Variants in NLRP2 observed in about 807,000 individuals in gnomAD.
The protein encoded by NLRP2 is NACHT, LRR and PYD domains-containing protein 2.
In NLRP2, 107 loss-of-function variants were observed where a neutral mutation model predicts 97.2. The ratio of observed to expected loss-of-function variants is 1.10; its 90% CI spans 0.94 to 1.29. The LOEUF (loss-of-function observed/expected upper bound fraction) is 1.29. Ranked by LOEUF, NLRP2 falls within the 50% of genes most tolerant of loss-of-function variation. The pLI is 0.00. For synonymous variants in NLRP2, 663 were observed against 551.5 expected (o/e 1.20, Z -2.83); for missense variants, 1,495 against 1,330.3 (o/e 1.12, Z -1.93).
At chr19:54,989,753 G>C (rs2072332081) in intron 8 of NLRP2, 1 of 553,490 alleles carries the variant, frequency 1.8e-6, no homozygotes, top group Middle Eastern at 5.0e-4. Flanking sequence ...GGAGGCCGAG[G>C]TGGGCAGATC....
Position 54,986,252 on chromosome 19 carries a change from A to G in NLRP2, c.2303A>G (p.Asp768Gly). ...CTGACCCTTCAAGGCAATGACCAGGATGATATGTTTCCCGCATTGTGTGAG... is the reference window on the plus strand; with the variant it reads ...CTGACCCTTCAAGGCAATGACCAGGGTGATATGTTTCCCGCATTGTGTGAG... ...TYLTLQGNDQ[D>G]DMFPALCEVL... Residue 768 changes from aspartate to glycine, a missense_variant, in exon 8 of 13, where the codon GAT (aspartate) becomes GGT (glycine). Asp to Gly is a moderately conservative substitution (Grantham distance 94). Transcript: ENST00000448584. 6.2e-7 allele frequency: 1 copy of G among 1,614,024 alleles called. No individual in the cohort carries two copies. The highest frequency in any genetic ancestry group is 8.5e-7 in the Non-Finnish European group (1 of 1,179,940).
At chr19:54,968,597 T>TG (rs1269843654) in intron 1 of NLRP2, among the ~76,000 whole-genome samples, 1 of 151,900 alleles carries the variant, frequency 6.6e-6, no homozygotes, top group African/African-American at 2.4e-5. Flanking sequence ...CCAAAGTGTT[T>TG]GGGGTTCCAG....
chr19:54,975,452 A>AT (rs2071162286), intron 3 of NLRP2, among the ~76,000 whole-genome samples: 1 of 89,194 alleles, frequency 1.1e-5, no homozygotes, highest in Non-Finnish European at 2.3e-5. Context: ...GAAGATTATT[A>AT]TTATTTTTTT....
At chr19:54,995,777 C>T (rs1447915531) in intron 11 of NLRP2, among the ~76,000 whole-genome samples, 1 of 151,966 alleles carries the variant, frequency 6.6e-6, no homozygotes, top group Non-Finnish European at 1.5e-5. Context: ...CAAGGTGGCT[C>T]ATGCCTGTAA....
In NLRP2 at chr19:54,982,170, A is replaced by AT; in HGVS notation, c.472_473insT (p.Asn158IlefsTer2). The stretch of plus-strand genomic sequence containing the variant: ...CCTCACCAATGATAAAGACAAAGAC[A>AT]ATAGGTGCAGGTATATATTGAAGAC... On this transcript the variant is annotated frameshift_variant, in exon 6 of 13. Transcript: ENST00000448584. LOFTEE classifies it high-confidence loss of function. The AT allele has an allele frequency of 6.2e-7, 1 of 1,614,110 alleles. No homozygotes were observed.
intron 4 of NLRP2, 149 bp from the exon 5 acceptor site, chr19:54,981,468 G>A (rs1025690420): frequency 2.0e-4 from 133 of 650,160 alleles, no homozygotes; most frequent in Admixed American, 6.2e-4. Flanking sequence ...ACACCTGGCC[G>A]GAAAACACAT....
At position 54,981,693 on chromosome 19, in the gene NLRP2, T is replaced by C. The variant is rs1260065255; in HGVS notation, c.463+11T>C. ...AAGGAAAAAAGCCAGGTCTGTACCA[T>C]ATCTTCCTGCAGGGAGCTTGGGATC... On this transcript the variant is annotated intron_variant, in intron 5 of 12. Transcript: ENST00000448584. The C allele has an allele frequency of 2.8e-6, 4 of 1,439,688 alleles. No homozygotes were observed. The African/African-American group carries it at 5.6e-5, about 20-fold the overall frequency. 89.2% of individuals were successfully genotyped at this position (1,439,688 alleles called of 1,614,324 possible). A position where few individuals can be genotyped will look rare whatever the true frequency, so the allele number is the denominator to read the frequency against.
intron 10 of NLRP2, 27 bp from the exon 11 acceptor site, chr19:54,994,242 T>G (rs1444897510): frequency 6.2e-7 from 1 of 1,613,840 alleles, no homozygotes; most frequent in Admixed American, 1.7e-5. Flanking sequence ...GGTTCGGGTT[T>G]GCTTTCTTCC....
chr19:54,977,442 C>T (rs935883707), intron 3 of NLRP2, among the ~76,000 whole-genome samples: 1 of 151,062 alleles, frequency 6.6e-6, no homozygotes, highest in Admixed American at 6.7e-5. Flanking sequence ...AAAAACTAGG[C>T]AGTTAATCCT....
chr19:54,982,553 C>T lies in NLRP2; in HGVS notation c.855C>T (p.Phe285=), dbSNP rs147098165. The change falls in exon 6 of 13, where the codon TTC becomes TTT. Residue 285 remains phenylalanine, a synonymous_variant. Coordinates refer to ENST00000448584, the MANE Select transcript of NLRP2 (RefSeq NM_017852.5). The part of the protein sequence containing the change: ...HILAQARKIL[F]VIDGFDELGA... ...TAGCCCAAGCACGGAAAATCTTGTT[C>T]GTGATTGACGGCTTTGATGAGCTGG... 126 of 1,614,062 alleles carry T rather than the reference C, an allele frequency of 7.8e-5. No homozygotes were observed. The highest frequency in any genetic ancestry group is 3.3e-4 in the Middle Eastern group (2 of 6,082).
chr19:54,976,942 G>A, intron 3 of NLRP2: 1 of 383,216 alleles, frequency 2.6e-6, no homozygotes, highest in Non-Finnish European at 5.0e-6. Context: ...AGCCTCGCAA[G>A]TAGCTGGGAC....
chr19:54,982,569 G>C lies in NLRP2; in HGVS notation c.871G>C (p.Asp291His). 2 of 1,614,218 alleles carry C rather than the reference G, an allele frequency of 1.2e-6. No homozygotes were observed. Among genetic ancestry groups the C allele is most frequent in the Non-Finnish European group, 1.7e-6 (2 of 1,180,046 alleles). Residue 291 changes from aspartate to histidine, a missense_variant, in exon 6 of 13, where the codon GAT becomes CAT. Physicochemically the swap from Asp to His is moderately conservative, Grantham distance 81. Transcript: ENST00000448584. The stretch of plus-strand genomic sequence containing the variant: ...AATCTTGTTCGTGATTGACGGCTTT[G>C]ATGAGCTGGGAGCCGCACCTGGGGC... ...RKILFVIDGF[D>H]ELGAAPGALI... is the part of the protein sequence containing the mutation.
rs549467414 is a variant in NLRP2, at chr19:54,993,989, C to T, written c.2709-280C>T. On this transcript the variant is annotated intron_variant, in intron 10 of 12. Transcript: ENST00000448584. The stretch of plus-strand genomic sequence containing the variant: ...CTCTCAGCTCCCTCTTATGAGGATC[C>T]CTGTGATTGCTGGACCTACCCAAAT... 433 of 533,100 alleles carry T rather than the reference C, an allele frequency of 8.1e-4. 6 individuals are homozygous for T. In the South Asian group the frequency reaches 8.9e-3, roughly 11 times the overall value. 33.0% of individuals were successfully genotyped at this position (533,100 alleles called of 1,614,324 possible).
chr19:54,980,853 C>T (rs573663892), intron 4 of NLRP2, among the ~76,000 whole-genome samples: 1 of 152,250 alleles, frequency 6.6e-6, no homozygotes, highest in Admixed American at 6.5e-5. Context: ...TTCATGCCTG[C>T]AATCCCAGCA....
chr19:54,972,940 G>A (rs2070959071), intron 2 of NLRP2, among the ~76,000 whole-genome samples: 3 of 152,076 alleles, frequency 2.0e-5, no homozygotes, highest in African/African-American at 4.8e-5. Flanking sequence ...TGTAATCACA[G>A]CACTTTGGGA....
At position 54,997,349 on chromosome 19, in the gene NLRP2, G is replaced by A. The variant is rs371106626; in HGVS notation, c.2912G>A (p.Cys971Tyr). 5 of 1,613,980 alleles carry A rather than the reference G, an allele frequency of 3.1e-6. No homozygotes were observed. In the African/African-American group the frequency reaches 4.0e-5, roughly 13 times the overall value. ...GGATGTTCCATCCCTCCGTTCAGTT[G>A]TGAAGACCTCTGCTCTGCCCTCAGC... ...LWGCSIPPFS[C>Y]EDLCSALSCN... The change falls in exon 12 of 13, where the codon TGT becomes TAT. Residue 971 changes from cysteine (C) to tyrosine (Y), a missense_variant. Physicochemically the swap from Cys to Tyr is radical, Grantham distance 194 (BLOSUM62 -2). Coordinates refer to ENST00000448584, the MANE Select transcript of NLRP2 (RefSeq NM_017852.5).
At chr19:54,990,836 T>G (rs1163923272) in intron 10 of NLRP2, 164 bp downstream of exon 10, 2 of 722,706 alleles carry the variant, frequency 2.8e-6, no homozygotes, top group Non-Finnish European at 2.5e-6. Context: ...AGGAAAAAAG[T>G]ATAAGTAGTA....
At position 54,983,903 on chromosome 19, in the gene NLRP2, C is replaced by T. The variant is rs146878079; in HGVS notation, c.2030+175C>T. On this transcript the variant is annotated intron_variant, in intron 6 of 12. Coordinates refer to ENST00000448584, the MANE Select transcript of NLRP2 (RefSeq NM_017852.5). ...TCTTGCTCTGTCGCTCAGGCTGGAG[C>T]GCAGTGGCGCGATCTTGGCTCCCTG... Among the ~76,000 whole-genome samples the T allele has an allele frequency of 4.3e-4, 65 of 152,092 alleles. 1 individual carries two copies. In the East Asian group the frequency reaches 0.012, roughly 29 times the overall value.
At chr19:54,994,054 C>T (rs549402491) in intron 10 of NLRP2, 18 of 641,620 alleles carry the variant, frequency 2.8e-5, no homozygotes, top group Middle Eastern at 4.1e-4. Context: ...TCAGTCACCT[C>T]TACGAGGTCC....
Sources: allele counts gnomAD v4.1 joint callset (sites outside exome capture counted in the v4.1 genomes callset), GRCh38; gene constraint gnomAD v4.1.1; transcripts MANE v1.5; gene names NCBI Gene and HGNC (gene_info 2026-07-23, HGNC 2026-07-21).